NLGN1: variants seen among roughly 807,000 people sequenced by gnomAD.
NLGN1 encodes the protein neuroligin-1.
Under a neutral mutation model 65.5 loss-of-function variants are expected in NLGN1, and 12 were observed. The ratio of observed to expected loss-of-function variants is 0.18; its 90% CI spans 0.12 to 0.30. The LOEUF (loss-of-function observed/expected upper bound fraction) is 0.30. Ranked by LOEUF, NLGN1 falls within the 10% of genes least tolerant of loss-of-function variation. The pLI is 1.00. For synonymous variants in NLGN1, 350 were observed against 359.5 expected (o/e 0.97, Z 0.30); for missense variants, 750 against 1,007.1 (o/e 0.74, Z 3.46).
intron 2 of NLGN1, among the ~76,000 whole-genome samples, chr3:173,539,891 A>T (rs765181115): frequency 8.9e-5 from 13 of 146,394 alleles, no homozygotes; most frequent in Non-Finnish European, 1.3e-4. Flanking sequence ...TATATGTTAT[A>T]TATATGTTAT....
chr3:173,818,306 G>T (rs1267915229), intron 4 of NLGN1, among the ~76,000 whole-genome samples: 1 of 152,142 alleles, frequency 6.6e-6, no homozygotes, highest in Non-Finnish European at 1.5e-5. Flanking sequence ...TTGATAAGTT[G>T]TATTTCCAAA....
intron 3 of NLGN1, among the ~76,000 whole-genome samples, chr3:173,724,649 G>C (rs529957552): frequency 6.6e-6 from 1 of 152,236 alleles, no homozygotes; most frequent in East Asian, 1.9e-4. Flanking sequence ...TCTAGAGCTA[G>C]AAATACCATT....
intron 2 of NLGN1, among the ~76,000 whole-genome samples, chr3:173,450,315 C>G (rs1315698780): frequency 1.3e-5 from 2 of 152,132 alleles, no homozygotes; most frequent in Non-Finnish European, 2.9e-5. Flanking sequence ...TTCTCCTTCA[C>G]TTATGAAGCT....
At chr3:173,459,740 C>T (rs1723063081) in intron 2 of NLGN1, among the ~76,000 whole-genome samples, 1 of 152,052 alleles carries the variant, frequency 6.6e-6, no homozygotes, top group Admixed American at 6.6e-5. Context: ...ATAAGCCATA[C>T]ACAGACCTAT....
intron 4 of NLGN1, among the ~76,000 whole-genome samples, chr3:174,131,313 C>T (rs539310089): frequency 9.2e-5 from 14 of 152,230 alleles, no homozygotes; most frequent in South Asian, 4.2e-4. Context: ...TTGTCCATAA[C>T]ATTGTCCAAA....
intron 4 of NLGN1, among the ~76,000 whole-genome samples, chr3:174,102,282 AT>A (rs1383263765): frequency 2.0e-5 from 3 of 151,734 alleles, no homozygotes; most frequent in African/African-American, 4.8e-5. Flanking sequence ...TAAGATGTTC[AT>A]TTTTTTTCCT....
At chr3:173,435,876 C>G (rs188812270) in intron 2 of NLGN1, among the ~76,000 whole-genome samples, 3 of 151,968 alleles carry the variant, frequency 2.0e-5, no homozygotes, top group East Asian at 1.9e-4. Context: ...AAAGTCTATA[C>G]GATGCATTTA....
chr3:173,732,981 A>G (rs1773103927), intron 3 of NLGN1, among the ~76,000 whole-genome samples: 2 of 152,178 alleles, frequency 1.3e-5, no homozygotes, highest in Non-Finnish European at 2.9e-5. Context: ...ATATACAAAT[A>G]TGGTATGTAC....
intron 2 of NLGN1, among the ~76,000 whole-genome samples, chr3:173,484,710 T>C (rs1398428881): frequency 6.6e-6 from 1 of 151,824 alleles, no homozygotes; most frequent in Non-Finnish European, 1.5e-5. Context: ...TTAAAGCGTA[T>C]TGCTGATCGT....
At chr3:174,100,616 AG>A (rs1712213627) in intron 4 of NLGN1, among the ~76,000 whole-genome samples, 1 of 152,002 alleles carries the variant, frequency 6.6e-6, no homozygotes, top group Non-Finnish European at 1.5e-5. Context: ...GAACTCTAAA[AG>A]TGGTTTCTCC....
At chr3:173,705,186 A>G (rs1407032850) in intron 3 of NLGN1, among the ~76,000 whole-genome samples, 1 of 152,114 alleles carries the variant, frequency 6.6e-6, no homozygotes. Context: ...TAGAAGGTAG[A>G]TGAATTTGTG....
intron 3 of NLGN1, among the ~76,000 whole-genome samples, chr3:173,608,595 G>T (rs1252502542): frequency 6.6e-6 from 1 of 151,826 alleles, no homozygotes; most frequent in African/African-American, 2.4e-5. Flanking sequence ...GAAAAGTTAG[G>T]TATTCCAACC....
chr3:173,880,590 A>C (rs1031460951), intron 4 of NLGN1, among the ~76,000 whole-genome samples: 1 of 151,190 alleles, frequency 6.6e-6, no homozygotes, highest in Non-Finnish European at 1.5e-5. Context: ...ATATATATTA[A>C]TTTAAAAATA....
intron 4 of NLGN1, among the ~76,000 whole-genome samples, chr3:173,940,280 G>A (rs1745829481): frequency 1.3e-5 from 2 of 151,640 alleles, no homozygotes; most frequent in South Asian, 2.1e-4. Context: ...GGAGAGGCAG[G>A]GTTTCTCCAT....
chr3:173,632,847 TTG>T (rs1491047770), intron 3 of NLGN1, among the ~76,000 whole-genome samples: 5,291 of 76,498 alleles, frequency 0.069, 103 homozygotes, highest in South Asian at 0.17. Context: ...GTTTTTTTTT[TTG>T]TTTTTTTTTT....
At chr3:173,790,244 T>G (rs958253717) in intron 3 of NLGN1, among the ~76,000 whole-genome samples, 1 of 152,078 alleles carries the variant, frequency 6.6e-6, no homozygotes, top group African/African-American at 2.4e-5. Context: ...TCTTGGATTT[T>G]AACTACCATT....
chr3:174,036,343 A>G (rs1480470575), intron 4 of NLGN1, among the ~76,000 whole-genome samples: 1 of 152,206 alleles, frequency 6.6e-6, no homozygotes, highest in Non-Finnish European at 1.5e-5. Flanking sequence ...CCACTGAATT[A>G]CAGGGAAAAG....
At chr3:173,699,683 A>T (rs962586724) in intron 3 of NLGN1, among the ~76,000 whole-genome samples, 5 of 152,200 alleles carry the variant, frequency 3.3e-5, no homozygotes, top group African/African-American at 2.4e-5. Context: ...GGTTTTCACT[A>T]TTGAAAATGG....
At chr3:174,099,537 A>G (rs1277573868) in intron 4 of NLGN1, among the ~76,000 whole-genome samples, 1 of 152,168 alleles carries the variant, frequency 6.6e-6, no homozygotes, top group African/African-American at 2.4e-5. Flanking sequence ...TTCTTATTGA[A>G]GGCTTTCCCT....
Sources: gnomAD v4.1 joint callset for allele counts (sites outside exome capture counted in the v4.1 genomes callset) on GRCh38, gnomAD v4.1.1 for gene constraint, MANE v1.5 for transcripts, NCBI Gene and HGNC (gene_info 2026-07-23, HGNC 2026-07-21) for gene names.